The following ODAD2 variants were observed in gnomAD, a reference collection of about 807,000 sequenced individuals.
ODAD2 encodes outer dynein arm-docking complex subunit 2.
A neutral mutation model predicts 106.8 loss-of-function variants in ODAD2; 89 were observed. The observed-to-expected ratio is 0.83, with a 90% CI of 0.70 to 0.99. ODAD2 has a LOEUF of 0.99. Among genes scored for constraint, ODAD2 ranks in the 50% least tolerant of loss-of-function variants. The pLI is 0.00. For missense variants in ODAD2, 1,168 were observed against 1,238.5 expected (o/e 0.94, Z 0.85); for synonymous variants, 404 against 436.2 (o/e 0.93, Z 0.92).
chr10:27,918,849 A>G (rs1844575362), intron 16 of ODAD2, among the ~76,000 whole-genome samples: 1 of 151,824 alleles, frequency 6.6e-6, no homozygotes, highest in Non-Finnish European at 1.5e-5. Flanking sequence ...CAGCATACAT[A>G]AAGGTATATT....
chr10:27,823,329 T>C (rs977986777), intron 19 of ODAD2, among the ~76,000 whole-genome samples: 2 of 152,228 alleles, frequency 1.3e-5, no homozygotes, highest in African/African-American at 4.8e-5. Context: ...TGCATTTTGC[T>C]ATTGGTTAGA....
intron 2 of ODAD2, 78 bp from the exon 3 acceptor site, chr10:27,987,621 A>G: frequency 1.0e-6 from 1 of 962,572 alleles, no homozygotes; most frequent in Non-Finnish European, 1.5e-6. Flanking sequence ...ACATTTAGAC[A>G]GATTATTCCT....
At chr10:27,894,158 A>T (rs989245166) in intron 17 of ODAD2, among the ~76,000 whole-genome samples, 1 of 152,294 alleles carries the variant, frequency 6.6e-6, no homozygotes, top group Admixed American at 6.5e-5. Context: ...TAAATATTTA[A>T]ATAAATAAGT....
chr10:27,929,727 C>A (rs770934383), intron 16 of ODAD2, among the ~76,000 whole-genome samples: 4 of 152,104 alleles, frequency 2.6e-5, no homozygotes, highest in Non-Finnish European at 4.4e-5. Context: ...TATTTTTTCT[C>A]TCTCAGGATG....
chr10:27,879,167 A>AC (rs1249010235), intron 17 of ODAD2, among the ~76,000 whole-genome samples: 1 of 152,036 alleles, frequency 6.6e-6, no homozygotes. Flanking sequence ...GATAAGTGTG[A>AC]TTTTTCCATT....
At chr10:27,906,356 AAAC>A (rs1355194124) in intron 17 of ODAD2, among the ~76,000 whole-genome samples, 5 of 152,228 alleles carry the variant, frequency 3.3e-5, no homozygotes, top group Non-Finnish European at 7.3e-5. Flanking sequence ...AAAAGTCAGG[AAAC>A]AACAGATGCT....
In ODAD2 at chr10:27,976,947, C is replaced by G. The variant is rs141461520; in HGVS notation, c.936+4519G>C. ...AGAAATACATTCACAGACAAATGAACGACTAATTTTTGACAAAGTTATAAA... is the reference window on the plus strand; with the variant it reads ...AGAAATACATTCACAGACAAATGAAGGACTAATTTTTGACAAAGTTATAAA... On this transcript the variant is annotated intron_variant, in intron 7 of 19. Transcript: ENST00000305242. Among the ~76,000 whole-genome samples the G allele has an allele frequency of 1.4e-3, 214 of 151,982 alleles. 1 individual carries two copies. Among genetic ancestry groups the G allele is most frequent in the African/African-American group, 5.0e-3 (209 of 41,464 alleles).
chr10:27,965,593 G>A (rs1310721868), intron 9 of ODAD2, among the ~76,000 whole-genome samples: 32 of 152,082 alleles, frequency 2.1e-4, no homozygotes, highest in East Asian at 1.9e-4. Flanking sequence ...TGGGTAAGAG[G>A]AACCCAGGAA....
chr10:27,901,012 T>C (rs1273425737), intron 17 of ODAD2, among the ~76,000 whole-genome samples: 1 of 151,954 alleles, frequency 6.6e-6, no homozygotes, highest in Non-Finnish European at 1.5e-5. Flanking sequence ...CACATAATCA[T>C]CAGATTCAGC....
chr10:27,987,995 T>G (rs1222968591), intron 2 of ODAD2, among the ~76,000 whole-genome samples: 10 of 150,706 alleles, frequency 6.6e-5, no homozygotes, highest in African/African-American at 2.4e-4. Context: ...ACTGTGTTTA[T>G]GAACAAAAAA....
At chr10:27,837,212 A>G (rs1319739230) in intron 19 of ODAD2, among the ~76,000 whole-genome samples, 1 of 152,242 alleles carries the variant, frequency 6.6e-6, no homozygotes, top group Non-Finnish European at 1.5e-5. Context: ...CCCTGTGACC[A>G]CATGGTCCCG....
chr10:27,867,712 G>A (rs150179281), intron 17 of ODAD2, among the ~76,000 whole-genome samples: 57 of 152,312 alleles, frequency 3.7e-4, no homozygotes, highest in African/African-American at 1.1e-3. Context: ...CACTTTGGAA[G>A]GCTGAGGCAG....
At chr10:27,890,442 G>A (rs1842484096) in intron 17 of ODAD2, among the ~76,000 whole-genome samples, 1 of 152,186 alleles carries the variant, frequency 6.6e-6, no homozygotes, top group African/African-American at 2.4e-5. Context: ...GTGGTTAAGT[G>A]GTTTCATGAA....
intron 19 of ODAD2, among the ~76,000 whole-genome samples, chr10:27,827,121 G>A (rs111329484): frequency 0.01 from 1,559 of 152,048 alleles, 23 homozygotes; most frequent in African/African-American, 0.035. Context: ...TCTTGACTTT[G>A]TGAAAATAAC....
At chr10:27,940,109 T>A in intron 13 of ODAD2, 102 bp from the exon 14 acceptor site, 2 of 725,430 alleles carry the variant, frequency 2.8e-6, no homozygotes, top group Middle Eastern at 3.1e-4. Context: ...TAGGAAATAA[T>A]CACCATAGTC....
intron 2 of ODAD2, among the ~76,000 whole-genome samples, chr10:27,988,835 C>G (rs1850042961): frequency 6.6e-6 from 1 of 152,130 alleles, no homozygotes; most frequent in African/African-American, 2.4e-5. Flanking sequence ...TGTCACCTTA[C>G]ATGGCAAAAG....
At chr10:27,839,714 A>G (rs1838171757) in intron 19 of ODAD2, among the ~76,000 whole-genome samples, 1 of 152,234 alleles carries the variant, frequency 6.6e-6, no homozygotes, top group African/African-American at 2.4e-5. Flanking sequence ...TATAACATAT[A>G]AAGATGTATA....
chr10:27,863,706 G>C (rs756900041), intron 17 of ODAD2, among the ~76,000 whole-genome samples: 6 of 152,276 alleles, frequency 3.9e-5, no homozygotes, highest in Non-Finnish European at 8.8e-5. Flanking sequence ...TAATATAAAG[G>C]TTCAAGGGCT....
chr10:27,915,420 G>A (rs1275677222), intron 16 of ODAD2, among the ~76,000 whole-genome samples: 1 of 151,974 alleles, frequency 6.6e-6, no homozygotes, highest in East Asian at 1.9e-4. Flanking sequence ...ATGGTAGAAG[G>A]GGCAAAGGAG....
Sources: gnomAD v4.1 joint callset for allele counts (sites outside exome capture counted in the v4.1 genomes callset) on GRCh38, gnomAD v4.1.1 for gene constraint, MANE v1.5 for transcripts, NCBI Gene and HGNC (gene_info 2026-07-23, HGNC 2026-07-21) for gene names.